The following TMC1 variants were observed in gnomAD, a reference collection of about 807,000 sequenced individuals.
The protein encoded by TMC1 is transmembrane channel-like protein 1.
TMC1 carries 84 observed loss-of-function variants against 105.8 expected under a neutral mutation model. The ratio of observed to expected loss-of-function variants is 0.79; its 90% confidence interval spans 0.67 to 0.95. The LOEUF (loss-of-function observed/expected upper bound fraction) is 0.95, where lower values mean the gene tolerates loss of function less well. Ranked by LOEUF, TMC1 falls within the 40% of genes least tolerant of loss-of-function variation. The pLI is 0.00. For missense variants in TMC1, 817 were observed against 914.1 expected, an observed-to-expected ratio of 0.89 and a Z score of 1.37; for synonymous variants, 315 against 311.5, an observed-to-expected ratio of 1.01 and a Z score of -0.12.
chr9:72,667,609 C>T (rs934514797), intron 5 of TMC1, among the ~76,000 whole-genome samples: 9 of 152,166 alleles, frequency 5.9e-5, no homozygotes, highest in African/African-American at 2.2e-4. Context: ...TTCATTTAGT[C>T]TGCTTAAAAT....
At chr9:72,760,174 A>G (rs1458278220) in intron 12 of TMC1, among the ~76,000 whole-genome samples, 1 of 152,122 alleles carries the variant, frequency 6.6e-6, no homozygotes, top group Non-Finnish European at 1.5e-5. Context: ...TTGGTTAGCA[A>G]AGTTCTATCT....
At chr9:72,675,676 CA>C (rs531848234) in intron 5 of TMC1, among the ~76,000 whole-genome samples, 1 of 151,994 alleles carries the variant, frequency 6.6e-6, no homozygotes, top group Non-Finnish European at 1.5e-5. Context: ...AGACTGAAAA[CA>C]AAAAAATCAC....
intron 2 of TMC1, among the ~76,000 whole-genome samples, chr9:72,612,387 T>C (rs1282762950): frequency 6.6e-6 from 1 of 151,996 alleles, no homozygotes; most frequent in Non-Finnish European, 1.5e-5. Flanking sequence ...TTGCCCAGGC[T>C]GGTCTTGAAC....
Position 72,548,409 on chromosome 9 carries a change from T to A in TMC1, c.-428+26496T>A, listed in dbSNP as rs1823806669. Among the ~76,000 whole-genome samples the A allele has an allele frequency of 1.3e-5, 2 of 151,936 alleles. 1 individual carries two copies. The highest frequency in any genetic ancestry group is 4.1e-4 in the South Asian group (2 of 4,820). ...CAAGATGGTAAAATTCCATCTCTAC[T>A]AAAAATACAAAAATTAATTGGGCAT... is the stretch of plus-strand genomic sequence containing the variant. On this transcript the variant is annotated intron_variant, in intron 1 of 23. Coordinates refer to ENST00000297784, the MANE Select transcript of TMC1 (RefSeq NM_138691.3).
At chr9:72,524,489 T>C (rs1450188710) in intron 1 of TMC1, among the ~76,000 whole-genome samples, 2 of 152,174 alleles carry the variant, frequency 1.3e-5, no homozygotes, top group Non-Finnish European at 2.9e-5. Flanking sequence ...AGACTAATAA[T>C]ACATGATAAA....
chr9:72,538,593 T>C (rs1823625559), intron 1 of TMC1, among the ~76,000 whole-genome samples: 1 of 151,980 alleles, frequency 6.6e-6, no homozygotes, highest in African/African-American at 2.4e-5. Context: ...TCCACCACCA[T>C]GCCTGGCTAA....
intron 5 of TMC1, among the ~76,000 whole-genome samples, chr9:72,657,402 A>G (rs1399108890): frequency 6.6e-6 from 1 of 152,236 alleles, no homozygotes. Context: ...GTAAGAAGGT[A>G]AATGCATTCC....
intron 3 of TMC1, among the ~76,000 whole-genome samples, chr9:72,618,958 A>G (rs1052517352): frequency 2.6e-5 from 4 of 152,234 alleles, no homozygotes; most frequent in Non-Finnish European, 4.4e-5. Context: ...CCAAGCCAGT[A>G]GCAACGACAA....
chr9:72,599,521 G>A (rs1824772031), intron 2 of TMC1, among the ~76,000 whole-genome samples: 1 of 152,168 alleles, frequency 6.6e-6, no homozygotes, highest in South Asian at 2.1e-4. Context: ...GAGGTACCAG[G>A]AGTCCAAATT....
chr9:72,545,542 C>T (rs1158395838), intron 1 of TMC1, among the ~76,000 whole-genome samples: 1 of 152,162 alleles, frequency 6.6e-6, no homozygotes, highest in East Asian at 1.9e-4. Flanking sequence ...GGATGGAGTG[C>T]AGTGGTGCCA....
intron 5 of TMC1, among the ~76,000 whole-genome samples, chr9:72,676,155 A>T (rs75623735): frequency 0.021 from 3,151 of 152,270 alleles, 41 homozygotes; most frequent in Non-Finnish European, 0.032. Flanking sequence ...TCAAGAGCAG[A>T]CATTGGCGTT....
chr9:72,807,123 C>T (rs926026299), intron 18 of TMC1, among the ~76,000 whole-genome samples: 4 of 152,184 alleles, frequency 2.6e-5, no homozygotes, highest in South Asian at 2.1e-4. Context: ...CGTGTCGGCG[C>T]GAGCCTGCAA....
intron 1 of TMC1, among the ~76,000 whole-genome samples, chr9:72,573,153 T>C (rs552828127): frequency 5.3e-5 from 8 of 152,298 alleles, no homozygotes; most frequent in African/African-American, 1.9e-4. Flanking sequence ...TTTCTATTCA[T>C]ATACTTTGAC....
At chr9:72,657,758 A>G (rs1825906382) in intron 5 of TMC1, among the ~76,000 whole-genome samples, 1 of 152,204 alleles carries the variant, frequency 6.6e-6, no homozygotes, top group African/African-American at 2.4e-5. Flanking sequence ...TGTAAAGTCC[A>G]TAACTTTACA....
chr9:72,576,618 C>CTT lies in TMC1; in HGVS notation c.-427-1271_-427-1270dup, dbSNP rs71357588. Among the ~76,000 whole-genome samples the CTT allele has an allele frequency of 7.3e-4, 99 of 134,948 alleles. 1 individual carries two copies. Among genetic ancestry groups the CTT allele is most frequent in the African/African-American group, 1.4e-3 (49 of 35,636 alleles). The allele number at this position is 134,948 out of a possible 152,430, so 88.5% of individuals were successfully genotyped here. A position where few individuals can be genotyped will look rare whatever the true frequency, so the allele number is the denominator to read the frequency against. On this transcript the variant is annotated intron_variant, in intron 1 of 23. Coordinates refer to ENST00000297784, the MANE Select transcript of TMC1 (RefSeq NM_138691.3). ...CAGCCCCTCCCTGGACTCCCAATTTCTTTTTTTTTTTTTTCTTTTTTTTTT... is the reference window on the plus strand; with the variant it reads ...CAGCCCCTCCCTGGACTCCCAATTTCTTTTTTTTTTTTTTTTCTTTTTTTTTT...
At chr9:72,814,120 G>A (rs1261076458) in intron 18 of TMC1, among the ~76,000 whole-genome samples, 2 of 152,148 alleles carry the variant, frequency 1.3e-5, no homozygotes, top group South Asian at 2.1e-4. Flanking sequence ...TTTTCTCCAC[G>A]TTCAGTAGTT....
chr9:72,789,171 T>A lies in TMC1; in HGVS notation c.1078T>A (p.Leu360Met), dbSNP rs772620520. 2 of 1,613,542 alleles carry A rather than the reference T, an allele frequency of 1.2e-6. No homozygotes were observed. The highest frequency in any genetic ancestry group is 8.5e-7 in the Non-Finnish European group (1 of 1,179,950). ...AGCCCAAGTAGAAGAAAACGTCCAC[T>A]TGATCAGATTCCTGAGGTTTCTGGC... is the stretch of plus-strand genomic sequence containing the variant. ...KAAQVEENVH[L>M]IRFLRFLANF... Residue 360 changes from leucine to methionine, a missense_variant, in exon 15 of 24, where the codon TTG becomes ATG. Leu to Met is a conservative substitution (Grantham distance 15). Transcript: ENST00000297784.
chr9:72,587,846 C>T (rs1263620402), intron 2 of TMC1, among the ~76,000 whole-genome samples: 8 of 150,222 alleles, frequency 5.3e-5, no homozygotes, highest in South Asian at 2.1e-4. Context: ...AGTGCAGTGG[C>T]GCCATCTCGG....
intron 18 of TMC1, among the ~76,000 whole-genome samples, chr9:72,812,184 G>T (rs1292491762): frequency 1.3e-5 from 2 of 152,186 alleles, no homozygotes; most frequent in African/African-American, 4.8e-5. Context: ...AACTCAAAGT[G>T]CTCATAGGCT....
Sources: gnomAD v4.1 joint callset for allele counts (sites outside exome capture counted in the v4.1 genomes callset) on GRCh38, gnomAD v4.1.1 for gene constraint, MANE v1.5 for transcripts, NCBI Gene and HGNC (gene_info 2026-07-23, HGNC 2026-07-21) for gene names.